The following TLK1 variants were observed in gnomAD, a reference collection of about 807,000 sequenced individuals.
The protein encoded by TLK1 is serine/threonine-protein kinase tousled-like 1.
TLK1 carries 24 observed loss-of-function variants against 105.3 expected under a neutral mutation model. That is an observed-to-expected ratio of 0.23 (90% CI 0.17 to 0.32). TLK1 has a LOEUF of 0.32. Among genes scored for constraint, TLK1 ranks in the 10% least tolerant of loss-of-function variants. TLK1 has a pLI of 1.00. For missense variants in TLK1, 558 were observed against 910.5 expected, an observed-to-expected ratio of 0.61 and a Z score of 4.98; for synonymous variants, 321 against 310.4, an observed-to-expected ratio of 1.03 and a Z score of -0.36.
At chr2:171,122,519 A>T (rs1016630992) in intron 1 of TLK1, among the ~76,000 whole-genome samples, 12 of 152,180 alleles carry the variant, frequency 7.9e-5, no homozygotes, top group Non-Finnish European at 1.6e-4. Flanking sequence ...TTCATGTTTC[A>T]GAAGTACTTC....
rs3217296 is a variant in TLK1, at chr2:171,049,959, GA to G, written c.844-10del. 406,510 of 1,610,762 alleles carry G rather than the reference GA, an allele frequency of 0.25. 54,790 individuals carry two copies. The highest frequency in any genetic ancestry group is 0.28 in the Non-Finnish European group (333,005 of 1,178,856). On this transcript the variant is annotated splice_polypyrimidine_tract_variant and intron_variant, in intron 9 of 20. Transcript: ENST00000431350. ...AGCTTTTCTTGTGTACTCTGAAAAG[GA>G]GAAAAAAAATCATCACTCAATTGTA...
intron 6 of TLK1, 31 bp from the exon 7 acceptor site, chr2:171,055,203 C>CAAAAA (rs71399594): frequency 5.8e-5 from 30 of 518,298 alleles, no homozygotes; most frequent in South Asian, 2.5e-4. Flanking sequence ...TTTATATTAG[C>CAAAAA]AAAAAAAAAA....
intron 1 of TLK1, among the ~76,000 whole-genome samples, chr2:171,135,515 AGATGGCCAGGCAC>A (rs996812656): frequency 9.2e-5 from 14 of 152,010 alleles, no homozygotes; most frequent in African/African-American, 3.4e-4. Flanking sequence ...AAAAAGAAAA[AGATGGCCAGGCAC>A]GGTGGTTCAT....
chr2:171,178,589 A>C (rs935761739), intron 1 of TLK1, among the ~76,000 whole-genome samples: 2 of 152,246 alleles, frequency 1.3e-5, no homozygotes, highest in Non-Finnish European at 2.9e-5. Context: ...AGTAACTCCA[A>C]GCCTGACAAC....
chr2:171,073,882 CCT>C (rs1553472995), intron 3 of TLK1, among the ~76,000 whole-genome samples: 11 of 29,190 alleles, frequency 3.8e-4, no homozygotes, highest in African/African-American at 6.1e-4. Context: ...TCCCCCCCCC[CCT>C]CCTTTTTTTT....
intron 14 of TLK1, among the ~76,000 whole-genome samples, chr2:171,008,041 C>T (rs182667606): frequency 8.3e-4 from 126 of 152,130 alleles, no homozygotes; most frequent in African/African-American, 2.8e-3. Flanking sequence ...TAAAAGCTTA[C>T]GTATTTATTA....
At chr2:171,079,642 GA>G (rs1216667567) in intron 3 of TLK1, among the ~76,000 whole-genome samples, 1 of 152,106 alleles carries the variant, frequency 6.6e-6, no homozygotes, top group Admixed American at 6.5e-5. Flanking sequence ...TTTACGAGAG[GA>G]AAAACTTTTT....
At position 170,993,967 on chromosome 2, in the gene TLK1, G is replaced by A. The variant is rs1302211439; in HGVS notation, c.2125-11C>T. The A allele has an allele frequency of 1.3e-6, 2 of 1,574,332 alleles. No individual in the cohort carries two copies. Among genetic ancestry groups the A allele is most frequent in the Non-Finnish European group, 8.6e-7 (1 of 1,161,868 alleles). ...GCGTCTTATAAATGCCTCAAAAAGAGAAAGGAAATGTTAGCAATTAATGAT... is the reference window on the plus strand; with the variant it reads ...GCGTCTTATAAATGCCTCAAAAAGAAAAAGGAAATGTTAGCAATTAATGAT... On this transcript the variant is annotated splice_polypyrimidine_tract_variant and intron_variant, in intron 20 of 20. Transcript: ENST00000431350.
intron 1 of TLK1, among the ~76,000 whole-genome samples, chr2:171,145,057 C>T (rs1048056076): frequency 2.0e-5 from 3 of 152,156 alleles, no homozygotes; most frequent in African/African-American, 7.2e-5. Flanking sequence ...ACCTATAATC[C>T]CAGCACTTTA....
intron 1 of TLK1, among the ~76,000 whole-genome samples, chr2:171,152,141 T>C (rs1692066869): frequency 6.6e-6 from 1 of 152,216 alleles, no homozygotes; most frequent in Non-Finnish European, 1.5e-5. Context: ...GTAGTTTATT[T>C]ACTCCAGCTA....
intron 1 of TLK1, among the ~76,000 whole-genome samples, chr2:171,182,644 G>T (rs1692946346): frequency 6.6e-6 from 1 of 152,084 alleles, no homozygotes; most frequent in East Asian, 1.9e-4. Context: ...CTGAGGCCAG[G>T]CACAGTAGCT....
intron 1 of TLK1, among the ~76,000 whole-genome samples, chr2:171,202,171 T>C (rs895130391): frequency 6.6e-6 from 1 of 152,224 alleles, no homozygotes; most frequent in Non-Finnish European, 1.5e-5. Flanking sequence ...ATTTCCCGGC[T>C]CAGGCCGGGC....
intron 1 of TLK1, among the ~76,000 whole-genome samples, chr2:171,186,219 C>T (rs567069964): frequency 1.3e-5 from 2 of 152,172 alleles, no homozygotes; most frequent in Non-Finnish European, 1.5e-5. Flanking sequence ...TAATCCTCAT[C>T]GAAATGCCTA....
intron 1 of TLK1, among the ~76,000 whole-genome samples, chr2:171,118,758 A>C (rs1310990221): frequency 1.3e-5 from 2 of 152,176 alleles, no homozygotes; most frequent in East Asian, 3.9e-4. Context: ...CAGAATCCAG[A>C]ATGACTTGGG....
rs571342205 is a variant in TLK1 at position 171,060,838 on chromosome 2, T to C, written c.406+243A>G. On this transcript the variant is annotated intron_variant, in intron 4 of 20. Transcript: ENST00000431350. ...TACAATACATATAAAGAATGAAAAA[T>C]GAAAAGTCATAAGTTAATGCTTGCC... is the stretch of plus-strand genomic sequence containing the variant. 3.3e-5 allele frequency among the ~76,000 whole-genome samples: 5 copies of C among 152,092 alleles called. 1 individual carries two copies. Among genetic ancestry groups the C allele is most frequent in the African/African-American group, 1.2e-4 (5 of 41,510 alleles).
chr2:171,182,932 A>AG lies in TLK1; in HGVS notation c.-6+48212_-6+48213insC, dbSNP rs1318157334. On this transcript the variant is annotated intron_variant, in intron 1 of 20. Coordinates refer to the TLK1 transcript ENST00000521943. ...TCAAAACCCTGACTCCAAAAAAAAA[A>AG]AAAAAAGAAAGAAAGAAAGAAAGAA... Among the ~76,000 whole-genome samples, 1,338 of 148,314 alleles carry AG rather than the reference A, an allele frequency of 9.0e-3. 15 individuals carry two copies. The highest frequency in any genetic ancestry group is 0.032 in the African/African-American group (1,254 of 38,994).
intron 13 of TLK1, among the ~76,000 whole-genome samples, chr2:171,013,991 T>C (rs533395687): frequency 6.6e-6 from 1 of 152,356 alleles, no homozygotes; most frequent in South Asian, 2.1e-4. Context: ...ATATACTATC[T>C]ATGGCACTCA....
chr2:171,061,025 A>T, intron 4 of TLK1, 56 bp downstream of exon 4: 1 of 1,514,948 alleles, frequency 6.6e-7, no homozygotes, highest in Non-Finnish European at 9.0e-7. Flanking sequence ...GTTAAAAATT[A>T]AAACAATTAA....
intron 1 of TLK1, among the ~76,000 whole-genome samples, chr2:171,199,268 T>C (rs1341608552): frequency 6.6e-6 from 1 of 152,186 alleles, no homozygotes; most frequent in Non-Finnish European, 1.5e-5. Context: ...CCCAGCACTT[T>C]GCAAGGCCAA....
Sources: allele counts gnomAD v4.1 joint callset (sites outside exome capture counted in the v4.1 genomes callset), GRCh38; gene constraint gnomAD v4.1.1; transcripts MANE v1.5; gene names NCBI Gene and HGNC (gene_info 2026-07-23, HGNC 2026-07-21).